STAG2: variants seen among roughly 807,000 people sequenced by gnomAD.
STAG2 encodes the protein cohesin subunit SA-2.
In STAG2, 14 loss-of-function variants were observed where a neutral mutation model predicts 108.1. That is an observed-to-expected ratio of 0.13 (90% confidence interval 0.09 to 0.20). The LOEUF (loss-of-function observed/expected upper bound fraction) is 0.20, where lower values mean the gene tolerates loss of function less well. Among genes scored for constraint, STAG2 ranks in the 10% least tolerant of loss-of-function variants. The pLI, the probability that STAG2 is intolerant of heterozygous loss-of-function variation, is 1.00. For synonymous variants in STAG2, 307 were observed against 302.7 expected (o/e 1.01, Z -0.15); for missense variants, 440 against 940.9 (o/e 0.47, Z 6.96).
intron 1 of STAG2, among the ~76,000 whole-genome samples, chrX:123,985,566 G>GTATTTTT (rs941518390): frequency 1.4e-4 from 15 of 109,800 alleles, no homozygotes; most frequent in Non-Finnish European, 2.3e-4. Flanking sequence ...AGGTCTTATG[G>GTATTTTT]TATTTTTTAT....
At chrX:124,100,228 T>C (rs1393913545) in intron 34 of STAG2, among the ~76,000 whole-genome samples, 3 of 111,668 alleles carry the variant, frequency 2.7e-5, no homozygotes, top group Non-Finnish European at 5.7e-5. Context: ...CAGAAATATA[T>C]GTGAAGAAGC....
At chrX:124,031,930 A>T (rs1336628508) in intron 5 of STAG2, among the ~76,000 whole-genome samples, 2 of 109,208 alleles carry the variant, frequency 1.8e-5, no homozygotes, top group Non-Finnish European at 1.9e-5. Context: ...GGGTTTCACC[A>T]TGTTGGCCAG....
intron 5 of STAG2, among the ~76,000 whole-genome samples, chrX:124,035,945 C>T (rs1354873608): frequency 8.9e-6 from 1 of 111,774 alleles, no homozygotes; most frequent in Non-Finnish European, 1.9e-5. Flanking sequence ...GGAGCAATGT[C>T]CAATAATTTG....
At position 124,067,892 on chromosome X, in the gene STAG2, T is replaced by C. The variant is rs1465860003; in HGVS notation, c.2266-672T>C. 2.7e-5 allele frequency among the ~76,000 whole-genome samples: 3 copies of C among 110,460 alleles called. No homozygotes were observed. The Admixed American group carries it at 2.9e-4, about 11-fold the overall frequency. Reference sequence around the variant, plus strand: ...ATTAAAAATACAAAAATTAGCCAGGTGTGATGGTATGCACCTGTAATCTCA... The same window carrying C: ...ATTAAAAATACAAAAATTAGCCAGGCGTGATGGTATGCACCTGTAATCTCA... On this transcript the variant is annotated intron_variant, in intron 23 of 34. Transcript: ENST00000371145.
intron 23 of STAG2, among the ~76,000 whole-genome samples, chrX:124,067,022 C>T (rs1190320004): frequency 2.7e-5 from 3 of 111,055 alleles, no homozygotes; most frequent in Non-Finnish European, 5.7e-5. Flanking sequence ...TGGATATTAC[C>T]TTAAATATTG....
intron 30 of STAG2, among the ~76,000 whole-genome samples, chrX:124,087,235 A>T (rs1041435564): frequency 5.3e-5 from 6 of 112,266 alleles, no homozygotes; most frequent in African/African-American, 1.9e-4. Context: ...AACTTCATAG[A>T]AATAGAGTGC....
At chrX:124,079,658 G>C (rs1038362913) in intron 27 of STAG2, among the ~76,000 whole-genome samples, 1 of 111,736 alleles carries the variant, frequency 8.9e-6, no homozygotes, top group Non-Finnish European at 1.9e-5. Flanking sequence ...TTAAAAGGTT[G>C]AAAAGATGGC....
At chrX:124,019,047 G>A (rs1469122101) in intron 1 of STAG2, among the ~76,000 whole-genome samples, 2 of 99,307 alleles carry the variant, frequency 2.0e-5, no homozygotes, top group Non-Finnish European at 4.0e-5. Context: ...ATGGAATTTA[G>A]CACTCTTTTT....
At chrX:123,978,727 T>G (rs945374290) in intron 1 of STAG2, among the ~76,000 whole-genome samples, 11 of 112,135 alleles carry the variant, frequency 9.8e-5, no homozygotes, top group Non-Finnish European at 7.5e-5. Context: ...ACCCACGTGA[T>G]GCTCCAAAGA....
At chrX:123,962,893 A>G (rs1414599891) in intron 1 of STAG2, among the ~76,000 whole-genome samples, 1 of 110,479 alleles carries the variant, frequency 9.1e-6, no homozygotes, top group Non-Finnish European at 1.9e-5. Flanking sequence ...CACACCCTGT[A>G]TTTGTCTCTG....
chrX:124,033,822 T>G (rs1313024175), intron 5 of STAG2, among the ~76,000 whole-genome samples: 2 of 111,809 alleles, frequency 1.8e-5, no homozygotes, highest in Non-Finnish European at 3.8e-5. Flanking sequence ...AAACAGAAAT[T>G]TATTTCTTAC....
chrX:124,084,233 T>C (rs2059038181), intron 29 of STAG2, among the ~76,000 whole-genome samples: 1 of 111,954 alleles, frequency 8.9e-6, no homozygotes, highest in South Asian at 3.6e-4. Context: ...TTATATGAAA[T>C]TCTAAAGCAG....
chrX:124,061,725 T>A lies in STAG2; in HGVS notation c.1535-46T>A, dbSNP rs200243221. ...ACAAGTGGCATATAGGGAGAAGAAA[T>A]AAGCTAACTCTTTCTGACTTTTTTT... On this transcript the variant is annotated intron_variant, in intron 16 of 34. Transcript: ENST00000371145. The A allele has an allele frequency of 3.9e-5, 37 of 957,798 alleles. No homozygotes were observed. The East Asian group carries it at 1.3e-3, about 34-fold the overall frequency. The allele number at this position is 957,798 out of a possible 1,213,427, so 78.9% of individuals were successfully genotyped here. A position where few individuals can be genotyped will look rare whatever the true frequency, so the allele number is the denominator to read the frequency against.
At chrX:124,070,992 A>G (rs934844880) in intron 24 of STAG2, among the ~76,000 whole-genome samples, 157 bp from the exon 25 acceptor site, 4 of 112,308 alleles carry the variant, frequency 3.6e-5, no homozygotes, top group African/African-American at 1.3e-4. Context: ...TCGCAGCTTT[A>G]GAATCTTAGG....
intron 17 of STAG2, among the ~76,000 whole-genome samples, chrX:124,062,597 C>T (rs867143617): frequency 8.9e-6 from 1 of 111,775 alleles, no homozygotes; most frequent in Middle Eastern, 4.2e-3. Context: ...AGCTCTTAAA[C>T]TATATTTCCT....
In STAG2 at chrX:124,095,356, T is replaced by A; in HGVS notation, c.3706-16T>A. The A allele has an allele frequency of 8.4e-7, 1 of 1,191,943 alleles. No individual in the cohort carries two copies. Among genetic ancestry groups the A allele is most frequent in the Non-Finnish European group, 1.1e-6 (1 of 877,665 alleles). On this transcript the variant is annotated splice_polypyrimidine_tract_variant and intron_variant, in intron 33 of 34. Coordinates refer to ENST00000371145, the MANE Select transcript of STAG2 (RefSeq NM_001042750.2). ...ATAGCTAAACTAATGTCAACTTATTTCCTTTTTTCCTTTAGCCACCATCAA... is the reference window on the plus strand; with the variant it reads ...ATAGCTAAACTAATGTCAACTTATTACCTTTTTTCCTTTAGCCACCATCAA...
chrX:124,016,075 A>C (rs1385267503), intron 1 of STAG2, among the ~76,000 whole-genome samples: 1 of 112,224 alleles, frequency 8.9e-6, no homozygotes, highest in Non-Finnish European at 1.9e-5. Flanking sequence ...ATGATTATAA[A>C]CATGAAATAT....
intron 1 of STAG2, among the ~76,000 whole-genome samples, chrX:124,010,554 C>T (rs2056489183): frequency 9.0e-6 from 1 of 111,388 alleles, no homozygotes; most frequent in African/African-American, 3.3e-5. Context: ...TGTCTTTATG[C>T]CAGTACCTCA....
intron 6 of STAG2, among the ~76,000 whole-genome samples, chrX:124,038,044 A>C (rs1484932097): frequency 8.9e-6 from 1 of 112,227 alleles, no homozygotes; most frequent in Non-Finnish European, 1.9e-5. Flanking sequence ...TAAGTAAGTT[A>C]CGTTAAGTAA....
Sources: gnomAD v4.1 joint callset for allele counts (sites outside exome capture counted in the v4.1 genomes callset) on GRCh38, gnomAD v4.1.1 for gene constraint, MANE v1.5 for transcripts, NCBI Gene and HGNC (gene_info 2026-07-23, HGNC 2026-07-21) for gene names.